NRXN1: variants seen among roughly 807,000 people sequenced by gnomAD.
NRXN1 encodes neurexin 1.
In NRXN1, 39 loss-of-function variants were observed where a neutral mutation model predicts 150.9. That is an observed-to-expected ratio of 0.26 (90% confidence interval 0.20 to 0.34). NRXN1 has a LOEUF of 0.34. Ranked by LOEUF, NRXN1 falls within the 10% of genes least tolerant of loss-of-function variation. NRXN1 has a pLI of 1.00. For missense variants in NRXN1, 1,815 were observed against 1,949.9 expected (o/e 0.93, Z 1.30); for synonymous variants, 924 against 757.0 (o/e 1.22, Z -3.62).
intron 5 of NRXN1, among the ~76,000 whole-genome samples, chr2:50,822,322 G>T (rs938785670): frequency 3.3e-5 from 5 of 152,060 alleles, no homozygotes; most frequent in African/African-American, 9.7e-5. Flanking sequence ...AAAGTAAGAA[G>T]TCATGCTTTT....
At chr2:50,967,159 G>C (rs1694238631) in intron 2 of NRXN1, among the ~76,000 whole-genome samples, 1 of 151,776 alleles carries the variant, frequency 6.6e-6, no homozygotes, top group Admixed American at 6.6e-5. Context: ...ACAATAGGCT[G>C]TGGCCTTTTG....
Position 50,936,664 on chromosome 2 carries a change from A to T in NRXN1, c.773-10709T>A, listed in dbSNP as rs76005170. Among the ~76,000 whole-genome samples the T allele has an allele frequency of 3.2e-3, 488 of 152,278 alleles. 1 individual carries two copies. Among genetic ancestry groups the T allele is most frequent in the Non-Finnish European group, 4.7e-3 (323 of 68,008 alleles). The stretch of plus-strand genomic sequence containing the variant: ...GGAAAGCACAGTGGAAAGAGAGTAG[A>T]AAAGTCACTGCTTTCTGAAATACTG... On this transcript the variant is annotated intron_variant, in intron 2 of 22. Transcript: ENST00000401669.
At chr2:50,807,908 A>G (rs1667720194) in intron 5 of NRXN1, among the ~76,000 whole-genome samples, 1 of 152,174 alleles carries the variant, frequency 6.6e-6, no homozygotes, top group African/African-American at 2.4e-5. Flanking sequence ...AACCTAATGA[A>G]TATGCCAAAC....
At chr2:50,326,415 T>C (rs757846186) in intron 17 of NRXN1, among the ~76,000 whole-genome samples, 1 of 152,216 alleles carries the variant, frequency 6.6e-6, no homozygotes, top group Non-Finnish European at 1.5e-5. Flanking sequence ...CATGTAAAAG[T>C]AGAAAGTACT....
At chr2:50,166,834 G>A (rs1574278273) in intron 18 of NRXN1, among the ~76,000 whole-genome samples, 2 of 152,026 alleles carry the variant, frequency 1.3e-5, no homozygotes, top group South Asian at 2.1e-4. Flanking sequence ...AATCTCAGAG[G>A]CTAATCACAA....
chr2:50,821,286 T>G (rs945358538), intron 5 of NRXN1, among the ~76,000 whole-genome samples: 1 of 152,172 alleles, frequency 6.6e-6, no homozygotes, highest in African/African-American at 2.4e-5. Context: ...TAGATTTTTT[T>G]GCAACATTTT....
At chr2:50,124,063 G>A (rs191149082) in intron 18 of NRXN1, among the ~76,000 whole-genome samples, 1 of 152,138 alleles carries the variant, frequency 6.6e-6, no homozygotes, top group East Asian at 1.9e-4. Flanking sequence ...GAGCTCTCAG[G>A]GTATTGAGGA....
At chr2:50,609,694 A>T (rs1165022133) in intron 8 of NRXN1, among the ~76,000 whole-genome samples, 1 of 119,374 alleles carries the variant, frequency 8.4e-6, no homozygotes, top group Non-Finnish European at 2.1e-5. Context: ...AGTTATCTAT[A>T]AAAAGTTATT....
At chr2:50,555,460 G>T (rs1312855417) in intron 8 of NRXN1, among the ~76,000 whole-genome samples, 8 of 152,182 alleles carry the variant, frequency 5.3e-5, no homozygotes, top group Admixed American at 4.6e-4. Flanking sequence ...AAAAATAGAA[G>T]TAGGGATAAT....
intron 5 of NRXN1, among the ~76,000 whole-genome samples, chr2:50,843,741 A>C (rs1198656970): frequency 6.6e-6 from 1 of 152,084 alleles, no homozygotes; most frequent in Admixed American, 6.6e-5. Context: ...CAGGTAAACA[A>C]CTTGATGGTT....
At chr2:50,637,866 T>C (rs1683462765) in intron 5 of NRXN1, among the ~76,000 whole-genome samples, 1 of 150,982 alleles carries the variant, frequency 6.6e-6, no homozygotes, top group Non-Finnish European at 1.5e-5. Flanking sequence ...AGTATTTAGA[T>C]CTAGTATTTA....
chr2:50,376,044 T>TACAC (rs200262615), intron 17 of NRXN1, among the ~76,000 whole-genome samples: 9 of 144,080 alleles, frequency 6.2e-5, no homozygotes, highest in East Asian at 2.3e-4. Context: ...TACATATATA[T>TACAC]ATACACACAC....
At chr2:50,705,491 A>G (rs1432762560) in intron 5 of NRXN1, among the ~76,000 whole-genome samples, 3 of 152,190 alleles carry the variant, frequency 2.0e-5, no homozygotes, top group Admixed American at 6.6e-5. Context: ...TGTGAGTAAC[A>G]TGCTGCTTTA....
intron 22 of NRXN1, among the ~76,000 whole-genome samples, chr2:49,938,339 G>A (rs760238427): frequency 2.0e-5 from 3 of 152,112 alleles, no homozygotes; most frequent in Non-Finnish European, 4.4e-5. Flanking sequence ...ATGATGGAGC[G>A]CAGAATAAAT....
chr2:50,354,003 T>C (rs561138471), intron 17 of NRXN1, among the ~76,000 whole-genome samples: 24 of 152,250 alleles, frequency 1.6e-4, no homozygotes, highest in African/African-American at 5.8e-4. Context: ...AAGGTCCTTA[T>C]TTCAGGTTTT....
At chr2:49,954,482 CCACTCTGTTAAAACTA>C (rs1198474395) in intron 21 of NRXN1, among the ~76,000 whole-genome samples, 1 of 152,052 alleles carries the variant, frequency 6.6e-6, no homozygotes, top group East Asian at 1.9e-4. Flanking sequence ...CCAGAATTTA[CCACTCTGTTAAAACTA>C]CAGCATATAA....
intron 18 of NRXN1, among the ~76,000 whole-genome samples, chr2:50,118,534 T>G (rs996976133): frequency 5.3e-5 from 8 of 152,118 alleles, no homozygotes; most frequent in Non-Finnish European, 8.8e-5. Flanking sequence ...TAGAGGAAGA[T>G]TATAACAAAA....
chr2:50,449,293 A>G (rs1312744590), intron 17 of NRXN1, among the ~76,000 whole-genome samples: 2 of 152,204 alleles, frequency 1.3e-5, no homozygotes, highest in Non-Finnish European at 2.9e-5. Context: ...ATCCATACAG[A>G]ATTTTTCTAA....
chr2:50,480,145 T>G (rs1212613638), intron 15 of NRXN1, among the ~76,000 whole-genome samples: 1 of 152,160 alleles, frequency 6.6e-6, no homozygotes, highest in African/African-American at 2.4e-5. Flanking sequence ...AATGGCATAT[T>G]TTTTCCCACT....
Sources: gnomAD v4.1 joint callset for allele counts (sites outside exome capture counted in the v4.1 genomes callset) on GRCh38, gnomAD v4.1.1 for gene constraint, MANE v1.5 for transcripts, NCBI Gene and HGNC (gene_info 2026-07-23, HGNC 2026-07-21) for gene names.